SORL1: variants seen among roughly 807,000 people sequenced by gnomAD.
The protein encoded by SORL1 is sortilin-related receptor.
SORL1 carries 127 observed loss-of-function variants against 273.7 expected under a neutral mutation model. That is an observed-to-expected ratio of 0.46 (90% CI 0.40 to 0.54). The LOEUF is 0.54. Among genes scored for constraint, SORL1 ranks in the 20% least tolerant of loss-of-function variants. SORL1 has a pLI of 0.00. For missense variants in SORL1, 2,494 were observed against 2,846.1 expected (o/e 0.88, Z 2.81); for synonymous variants, 1,031 against 1,067.4 (o/e 0.97, Z 0.66).
intron 6 of SORL1, among the ~76,000 whole-genome samples, chr11:121,502,312 T>G (rs192637145): frequency 6.6e-6 from 1 of 151,644 alleles, no homozygotes; most frequent in Non-Finnish European, 1.5e-5. Context: ...ATTTTTTGTA[T>G]TTTTTAGTAG....
Position 121,548,127 on chromosome 11 carries a change from T to A in SORL1, c.2052-1833T>A, listed in dbSNP as rs559278206. ...ACTTACATATGTACGTGTAGATACA[T>A]ACACACATATAATTAAAACACAAGT... On this transcript the variant is annotated intron_variant, in intron 14 of 47. Coordinates refer to ENST00000260197, the MANE Select transcript of SORL1 (RefSeq NM_003105.6). 2.0e-5 allele frequency among the ~76,000 whole-genome samples: 3 copies of A among 152,344 alleles called. No individual in the cohort carries two copies. In the East Asian group the frequency reaches 5.8e-4, roughly 29 times the overall value.
chr11:121,622,295 C>A (rs370445709), intron 45 of SORL1, 27 bp downstream of exon 45: 22 of 1,293,370 alleles, frequency 1.7e-5, no homozygotes, highest in Admixed American at 5.3e-5. Flanking sequence ...TTCTCAATGA[C>A]TTTGGAAATT....
At chr11:121,567,329 A>G (rs959156195) in intron 22 of SORL1, among the ~76,000 whole-genome samples, 3 of 152,258 alleles carry the variant, frequency 2.0e-5, no homozygotes, top group Admixed American at 6.5e-5. Context: ...CACTCAGAAC[A>G]GGCCTATGCT....
At chr11:121,501,138 G>A (rs74327734) in intron 6 of SORL1, among the ~76,000 whole-genome samples, 166 of 152,148 alleles carry the variant, frequency 1.1e-3, no homozygotes, top group East Asian at 2.7e-3. Flanking sequence ...ACTCTCATAC[G>A]TGATCAATAA....
Position 121,522,686 on chromosome 11 carries a change from G to A in SORL1, c.1505G>A (p.Gly502Asp). 6.2e-7 allele frequency: 1 copy of A among 1,613,650 alleles called. No homozygotes were observed. Among genetic ancestry groups the A allele is most frequent in the Non-Finnish European group, 8.5e-7 (1 of 1,179,534 alleles). ...MPILSKESAP[G>D]LIIATGSVGK... is the part of the protein sequence containing the mutation. ...ATCCTGTCCAAGGAGTCGGCTCCAG[G>A]CCTCATCATCGCCACTGGTAAGTGT... Residue 502 changes from glycine to aspartate, a missense_variant, in exon 10 of 48, where the codon GGC (glycine) becomes GAC (aspartate). By Grantham distance (94) the Gly-to-Asp change is moderately conservative. Transcript: ENST00000260197.
In SORL1 at chr11:121,522,625, A is replaced by C; in HGVS notation, c.1444A>C (p.Ser482Arg). The change falls in exon 10 of 48, where the codon AGT becomes CGT. Residue 482 changes from serine to arginine, a missense_variant. By Grantham distance (110) the Ser-to-Arg change is moderately radical (BLOSUM62 -1). Coordinates refer to ENST00000260197, the MANE Select transcript of SORL1 (RefSeq NM_003105.6). The part of the protein sequence containing the change: ...GCSLHLAQRL[S>R]QLLNLQLRRM... ...TTCCCTTCATCTGGCTCAGCGCCTC[A>C]GTCAGCTCCTCAACCTCCAGCTCCG... 1 of 1,614,212 alleles carries C rather than the reference A, an allele frequency of 6.2e-7. No homozygotes were observed. The highest frequency in any genetic ancestry group is 8.5e-7 in the Non-Finnish European group (1 of 1,180,022).
chr11:121,489,965 T>A, intron 4 of SORL1, 78 bp from the exon 5 acceptor site: 1 of 1,052,704 alleles, frequency 9.5e-7, no homozygotes, highest in Non-Finnish European at 1.5e-6. Flanking sequence ...AAGGTGGGAT[T>A]TCAGCGGGTG....
At chr11:121,502,303 T>G (rs186411616) in intron 6 of SORL1, among the ~76,000 whole-genome samples, 1 of 151,798 alleles carries the variant, frequency 6.6e-6, no homozygotes, top group Admixed American at 6.6e-5. Context: ...ACCTGGCTAA[T>G]TTTTTGTATT....
intron 31 of SORL1, 27 bp downstream of exon 31, chr11:121,591,183 G>A (rs1323588017): frequency 1.9e-6 from 3 of 1,612,780 alleles, no homozygotes; most frequent in Middle Eastern, 3.3e-4. Context: ...GTCCTCTCCT[G>A]TGGTACCTGC....
intron 8 of SORL1, among the ~76,000 whole-genome samples, 155 bp from the exon 9 acceptor site, chr11:121,520,502 A>G (rs1317570717): frequency 1.3e-5 from 2 of 152,202 alleles, no homozygotes; most frequent in Non-Finnish European, 2.9e-5. Context: ...GAATGATGAA[A>G]TGTTCTGGAA....
chr11:121,455,190 G>A (rs1441771015), intron 1 of SORL1, among the ~76,000 whole-genome samples: 2 of 152,110 alleles, frequency 1.3e-5, no homozygotes, highest in Non-Finnish European at 1.5e-5. Flanking sequence ...ATACAGGCAT[G>A]TCAATGTACC....
chr11:121,576,489 G>C (rs530647483), intron 24 of SORL1, among the ~76,000 whole-genome samples: 2 of 152,186 alleles, frequency 1.3e-5, no homozygotes, highest in Non-Finnish European at 2.9e-5. Context: ...TATCACATTG[G>C]TGATTAAGTT....
At chr11:121,624,840 T>C (rs1038522134) in intron 45 of SORL1, among the ~76,000 whole-genome samples, 1 of 152,184 alleles carries the variant, frequency 6.6e-6, no homozygotes, top group African/African-American at 2.4e-5. Flanking sequence ...CAGTTTTCAT[T>C]TCCACGATAT....
Position 121,452,700 on chromosome 11 carries a change from C to T in SORL1, c.285+84C>T, listed in dbSNP as rs1000973401. ...CCCCGCATCCATCCGTTGCAGTCGC[C>T]TCCTAGGTGCAGGCACCACTGGGGA... On this transcript the variant is annotated intron_variant, in intron 1 of 47. Coordinates refer to ENST00000260197, the MANE Select transcript of SORL1 (RefSeq NM_003105.6). The surrounding 1 kb of genome is among the most constrained non-coding windows in gnomAD (Gnocchi z 5.3). 7.9e-7 allele frequency: 1 copy of T among 1,262,760 alleles called. No individual in the cohort carries two copies. 78.2% of individuals were successfully genotyped at this position (1,262,760 alleles called of 1,614,324 possible). A position where few individuals can be genotyped will look rare whatever the true frequency, so the allele number is the denominator to read the frequency against.
In SORL1 at chr11:121,605,466, A is replaced by G; in HGVS notation, c.4843A>G (p.Lys1615Glu). ...THSNKTNTVL[K>E]VLKPDTTYQV... ...CAGCAATAAGACAAACACTGTATTA[A>G]AAGTCTTGAAACCAGATACCACGTA... The change falls in exon 35 of 48, where the codon AAA (lysine) becomes GAA (glutamate). Residue 1615 changes from lysine to glutamate, a missense_variant. Lys to Glu is a moderately conservative substitution (Grantham distance 56). Coordinates refer to ENST00000260197, the MANE Select transcript of SORL1 (RefSeq NM_003105.6). 1 of 1,614,178 alleles carries G rather than the reference A, an allele frequency of 6.2e-7. No homozygotes were observed. The highest frequency in any genetic ancestry group is 8.5e-7 in the Non-Finnish European group (1 of 1,180,004).
intron 3 of SORL1, 141 bp from the exon 4 acceptor site, chr11:121,487,891 G>T: frequency 1.3e-6 from 1 of 750,034 alleles, no homozygotes; most frequent in Non-Finnish European, 2.2e-6. Flanking sequence ...CATTGTGGAA[G>T]CCCTGTAAGG....
intron 23 of SORL1, among the ~76,000 whole-genome samples, chr11:121,573,669 A>G (rs1862881966): frequency 6.6e-6 from 1 of 152,178 alleles, no homozygotes. Context: ...ACTAGGACAC[A>G]TTATCTTACC....
chr11:121,510,616 C>A (rs973097158), intron 6 of SORL1, among the ~76,000 whole-genome samples: 2 of 152,178 alleles, frequency 1.3e-5, no homozygotes, highest in Admixed American at 6.5e-5. Context: ...GTTTTTATCT[C>A]ATTGACTAGT....
At position 121,583,442 on chromosome 11, in the gene SORL1, C is replaced by G. The variant is rs201279127; in HGVS notation, c.3581-16C>G. The G allele has an allele frequency of 1.6e-5, 26 of 1,607,026 alleles. No individual in the cohort carries two copies. The highest frequency in any genetic ancestry group is 2.1e-5 in the Non-Finnish European group (25 of 1,176,458). The stretch of plus-strand genomic sequence containing the variant: ...AGATGAGGGGTGTGCGACTGTGTCT[C>G]TCTTCTCTGTTACAGCCATCTATCA... On this transcript the variant is annotated splice_polypyrimidine_tract_variant and intron_variant, in intron 25 of 47. Coordinates refer to ENST00000260197, the MANE Select transcript of SORL1 (RefSeq NM_003105.6).
Sources: allele counts gnomAD v4.1 joint callset (sites outside exome capture counted in the v4.1 genomes callset), GRCh38; gene constraint gnomAD v4.1.1; non-coding constraint Gnocchi (gnomAD v3.1); transcripts MANE v1.5; gene names NCBI Gene and HGNC (gene_info 2026-07-23, HGNC 2026-07-21).